The following ZMYND11 variants were observed in gnomAD, a reference collection of about 807,000 sequenced individuals.
ZMYND11 encodes the protein zinc finger MYND domain-containing protein 11.
In ZMYND11, 9 loss-of-function variants were observed where a neutral mutation model predicts 84.9. The observed-to-expected ratio is 0.11, with a 90% CI of 0.06 to 0.18. The LOEUF is 0.18. Among genes scored for constraint, ZMYND11 ranks in the 10% least tolerant of loss-of-function variants. The pLI, the probability that ZMYND11 is intolerant of heterozygous loss-of-function variation, is 1.00. For synonymous variants in ZMYND11, 250 were observed against 244.1 expected (o/e 1.02, Z -0.23); for missense variants, 409 against 761.0 (o/e 0.54, Z 5.44).
chr10:223,976 GGATT>G (rs1385551384), intron 4 of ZMYND11, among the ~76,000 whole-genome samples: 1 of 151,836 alleles, frequency 6.6e-6, no homozygotes, highest in Non-Finnish European at 1.5e-5. Flanking sequence ...GGAAAAATAT[GGATT>G]AATTAGATAT....
chr10:137,333 C>T (rs2131058821), intron 1 of ZMYND11, among the ~76,000 whole-genome samples: 1 of 152,158 alleles, frequency 6.6e-6, no homozygotes. Flanking sequence ...GGGAGTGGTG[C>T]AGGTTGGGTT....
intron 14 of ZMYND11, among the ~76,000 whole-genome samples, chr10:250,425 T>C (rs752649258): frequency 1.3e-5 from 2 of 152,222 alleles, no homozygotes; most frequent in Non-Finnish European, 2.9e-5. Flanking sequence ...AGCCCAGGAG[T>C]GCAAGGTTGC....
chr10:165,755 T>A (rs1843862600), intron 1 of ZMYND11, among the ~76,000 whole-genome samples: 1 of 152,164 alleles, frequency 6.6e-6, no homozygotes, highest in Admixed American at 6.6e-5. Flanking sequence ...ACCCATTATT[T>A]TCCAAAGCTC....
intron 1 of ZMYND11, among the ~76,000 whole-genome samples, chr10:178,941 C>G (rs1847249387): frequency 6.6e-6 from 1 of 152,132 alleles, no homozygotes; most frequent in African/African-American, 2.4e-5. Flanking sequence ...CTGTGGCTGT[C>G]TTGGCCAGTC....
rs1179567297 is a variant in ZMYND11 at position 207,355 on chromosome 10, C to G, written c.117-2534C>G. 1.4e-4 allele frequency among the ~76,000 whole-genome samples: 21 copies of G among 152,306 alleles called. 1 individual carries two copies. In the South Asian group the frequency reaches 3.3e-3, roughly 24 times the overall value. ...TTATAGTCCTTTGGGTATATACCCA[C>G]TAATGGGATGGCTGGGTCAAATGGT... is the stretch of plus-strand genomic sequence containing the variant. On this transcript the variant is annotated intron_variant, in intron 2 of 14. Transcript: ENST00000381604.
In ZMYND11 at chr10:237,118, G is replaced by C. The variant is rs193035940; in HGVS notation, c.516+203G>C. Among the ~76,000 whole-genome samples the C allele has an allele frequency of 3.0e-3, 455 of 152,176 alleles. No individual in the cohort carries two copies. The Middle Eastern group carries it at 0.031, about 10-fold the overall frequency. ...AGATTTTCTTGTTTTGTCTGTTTTG[G>C]ACATAGACATTTTGACATAAGCTAC... On this transcript the variant is annotated intron_variant, in intron 5 of 14. Coordinates refer to ENST00000381604, the MANE Select transcript of ZMYND11 (RefSeq NM_001370100.5).
intron 4 of ZMYND11, among the ~76,000 whole-genome samples, chr10:232,927 A>G (rs1949252741): frequency 6.6e-6 from 1 of 152,244 alleles, no homozygotes; most frequent in Admixed American, 6.5e-5. Flanking sequence ...AGGGTTCAAA[A>G]TAAAAACTCA....
intron 2 of ZMYND11, among the ~76,000 whole-genome samples, chr10:186,102 C>T (rs538822097): frequency 1.9e-4 from 29 of 151,584 alleles, no homozygotes; most frequent in African/African-American, 6.3e-4. Context: ...CTCCGCCTCC[C>T]GGGTTCACAC....
chr10:241,877 G>GA (rs1165530800), intron 9 of ZMYND11, 144 bp from the exon 10 acceptor site: 77 of 1,033,500 alleles, frequency 7.5e-5, no homozygotes, highest in Non-Finnish European at 9.7e-5. Flanking sequence ...GTCAATCCCA[G>GA]AAAAAAAATC....
intron 14 of ZMYND11, chr10:249,673 C>G (rs1952934490): frequency 2.0e-6 from 2 of 985,262 alleles, no homozygotes; most frequent in Non-Finnish European, 2.4e-6. Context: ...TGCACAGGGT[C>G]CAAGTGCTCG....
chr10:150,351 G>A (rs1441755558), intron 1 of ZMYND11, among the ~76,000 whole-genome samples: 4 of 152,206 alleles, frequency 2.6e-5, no homozygotes, highest in African/African-American at 9.7e-5. Context: ...GCGGGTGTAT[G>A]TGTCCAGGAA....
At chr10:184,899 G>A (rs1010961539) in intron 2 of ZMYND11, among the ~76,000 whole-genome samples, 7 of 150,534 alleles carry the variant, frequency 4.7e-5, no homozygotes, top group South Asian at 2.1e-4. Context: ...TCTTTTCCCC[G>A]TTTTTTTTTG....
chr10:195,047 T>C (rs1046207035), intron 2 of ZMYND11, among the ~76,000 whole-genome samples: 15 of 152,214 alleles, frequency 9.9e-5, no homozygotes, highest in African/African-American at 3.4e-4. Context: ...TGCCAATAGA[T>C]TTTTTATGAG....
chr10:153,257 C>G (rs1588478805), intron 1 of ZMYND11, among the ~76,000 whole-genome samples: 1 of 152,134 alleles, frequency 6.6e-6, no homozygotes, highest in East Asian at 1.9e-4. Context: ...ATGAAACATT[C>G]TCGTTAAATT....
At chr10:198,415 TAACA>T (rs1942316268) in intron 2 of ZMYND11, among the ~76,000 whole-genome samples, 1 of 152,152 alleles carries the variant, frequency 6.6e-6, no homozygotes, top group Non-Finnish European at 1.5e-5. Context: ...CCTTTACTGT[TAACA>T]AAAATATAAT....
chr10:185,825 AAAAC>A (rs1938215310), intron 2 of ZMYND11, among the ~76,000 whole-genome samples: 1 of 150,716 alleles, frequency 6.6e-6, no homozygotes. Context: ...AAAAAACAAA[AAAAC>A]AAAAAAACAA....
At chr10:227,293 A>C (rs1948297884) in intron 4 of ZMYND11, among the ~76,000 whole-genome samples, 1 of 152,186 alleles carries the variant, frequency 6.6e-6, no homozygotes, top group African/African-American at 2.4e-5. Flanking sequence ...TGCCCTTCTT[A>C]AAATACTCAG....
intron 2 of ZMYND11, among the ~76,000 whole-genome samples, chr10:200,137 G>A (rs1388059901): frequency 6.6e-6 from 1 of 150,772 alleles, no homozygotes; most frequent in African/African-American, 2.4e-5. Context: ...CAGAGGTTTT[G>A]GCAGGGAGGG....
intron 1 of ZMYND11, among the ~76,000 whole-genome samples, chr10:139,604 C>T (rs1288548179): frequency 6.6e-6 from 1 of 151,800 alleles, no homozygotes; most frequent in Non-Finnish European, 1.5e-5. Flanking sequence ...TAAATGAGGA[C>T]CATAATAATA....
Sources: allele counts gnomAD v4.1 joint callset (sites outside exome capture counted in the v4.1 genomes callset), GRCh38; gene constraint gnomAD v4.1.1; transcripts MANE v1.5; gene names NCBI Gene and HGNC (gene_info 2026-07-23, HGNC 2026-07-21).